TFB1M: variants seen among roughly 807,000 people sequenced by gnomAD.
TFB1M encodes the protein transcription factor B1, mitochondrial.
In TFB1M, 27 loss-of-function variants were observed where a neutral mutation model predicts 31.1. That is an observed-to-expected ratio of 0.87 (90% CI 0.64 to 1.20). TFB1M has a LOEUF of 1.20. Ranked by LOEUF, TFB1M falls within the 50% of genes most tolerant of loss-of-function variation. The pLI is 0.00. For synonymous variants in TFB1M, 166 were observed against 151.8 expected (o/e 1.09, Z -0.69); for missense variants, 394 against 418.7 (o/e 0.94, Z 0.51).
intron 4 of TFB1M, among the ~76,000 whole-genome samples, chr6:155,285,926 G>A (rs541746383): frequency 6.6e-6 from 1 of 152,108 alleles, no homozygotes; most frequent in African/African-American, 2.4e-5. Context: ...ATTTCCATAT[G>A]TATTATATAT....
chr6:155,257,210 A>AC lies in TFB1M; in HGVS notation c.*625_*626insG. 1 of 1,177,034 alleles carries AC rather than the reference A, an allele frequency of 8.5e-7. No individual in the cohort carries two copies. Among genetic ancestry groups the AC allele is most frequent in the South Asian group, 1.5e-5 (1 of 67,630 alleles). The allele number at this position is 1,177,034 out of a possible 1,614,324, so 72.9% of individuals were successfully genotyped here. A position where few individuals can be genotyped will look rare whatever the true frequency, so the allele number is the denominator to read the frequency against. On this transcript the variant is annotated 3_prime_UTR_variant, in exon 7 of 7. Transcript: ENST00000367166. ...AATTGCAAAAAAAAAAAAAAAAAAA[A>AC]ACTGTTCATTCCTGGGTTTTGTGCA...
Position 155,257,856 on chromosome 6 carries a change from C to T in TFB1M, c.1021G>A (p.Ala341Thr), listed in dbSNP as rs149125723. ...SKNEEKEEDD[A>T]ENYRL ...AGCAGCTAGAGTCTGTAATTCTCTG[C>T]GTCATCCTCTTCTTTTTCTTCATTT... The change falls in exon 7 of 7, where the codon GCA becomes ACA. Residue 341 changes from alanine (A) to threonine (T), a missense_variant. Ala to Thr is a moderately conservative substitution (Grantham distance 58). Around this residue, in one of 3 missense-constraint regions of TFB1M, gnomAD observed 6 missense variants for 18.1 expected, o/e 0.33. Coordinates refer to ENST00000367166, the MANE Select transcript of TFB1M (RefSeq NM_016020.4). 5.0e-6 allele frequency: 8 copies of T among 1,614,068 alleles called. No individual in the cohort carries two copies. The highest frequency in any genetic ancestry group is 4.4e-5 in the South Asian group (4 of 91,090).
At chr6:155,305,651 T>C (rs1430944916) in intron 2 of TFB1M, among the ~76,000 whole-genome samples, 1 of 89,542 alleles carries the variant, frequency 1.1e-5, no homozygotes. Context: ...ATATATTAAA[T>C]TATATATTTA....
chr6:155,286,788 G>A (rs567659140), intron 4 of TFB1M, among the ~76,000 whole-genome samples: 1 of 151,450 alleles, frequency 6.6e-6, no homozygotes, highest in Non-Finnish European at 1.5e-5. Context: ...ATCAGCCTGG[G>A]CAACAGAGCA....
In TFB1M at chr6:155,256,236, CTATT is replaced by C. The variant is rs2115376469; in HGVS notation, c.*1596_*1599del. 1 of 604,756 alleles carries C rather than the reference CTATT, an allele frequency of 1.7e-6. No individual in the cohort carries two copies. The highest frequency in any genetic ancestry group is 1.9e-5 in the African/African-American group (1 of 53,984). The allele number at this position is 604,756 out of a possible 1,614,324, so 37.5% of individuals were successfully genotyped here. On this transcript the variant is annotated 3_prime_UTR_variant, in exon 7 of 7. Coordinates refer to ENST00000367166, the MANE Select transcript of TFB1M (RefSeq NM_016020.4). The stretch of plus-strand genomic sequence containing the variant: ...ATGTAGTAGTTTCTAGTGTCTAGTT[CTATT>C]TACATAATTGAGCTCTGGTAATCTA...
Position 155,256,366 on chromosome 6 carries a change from TG to T in TFB1M, c.*1469del. 1.4e-6 allele frequency: 2 copies of T among 1,445,316 alleles called. No homozygotes were observed. Among genetic ancestry groups the T allele is most frequent in the Non-Finnish European group, 1.9e-6 (2 of 1,072,228 alleles). 89.5% of individuals were successfully genotyped at this position (1,445,316 alleles called of 1,614,324 possible). On this transcript the variant is annotated 3_prime_UTR_variant, in exon 7 of 7. Coordinates refer to ENST00000367166, the MANE Select transcript of TFB1M (RefSeq NM_016020.4). ...CCTAATTACCAGGATAGTTGCTAAC[TG>T]AAGTCATATCATAAAATAAAATCTT...
At chr6:155,250,757 G>C in the TFB1M span, 2 of 1,131,004 alleles carry the variant, frequency 1.8e-6, no homozygotes, top group Non-Finnish European at 2.5e-6. Flanking sequence ...ATTTTCAAAA[G>C]CTCCACCGTT....
At chr6:155,276,738 T>C (rs1264565583) in intron 5 of TFB1M, among the ~76,000 whole-genome samples, 1 of 152,268 alleles carries the variant, frequency 6.6e-6, no homozygotes, top group Non-Finnish European at 1.5e-5. Context: ...AAAAGTACCT[T>C]GCCCTGGTGT....
In TFB1M at chr6:155,314,438, CA is replaced by C. The variant is rs1208040657; in HGVS notation, c.-11del. ...TTCCGGAGGCAGCCATGATACGCGG[CA>C]AGCACCATCCAACCCTACCTCACCC... On this transcript the variant is annotated 5_prime_UTR_variant, in exon 1 of 7. Transcript: ENST00000367166. 4.3e-6 allele frequency: 7 copies of C among 1,613,998 alleles called. No individual in the cohort carries two copies. In the African/African-American group the frequency reaches 9.3e-5, roughly 22 times the overall value.
intron 5 of TFB1M, among the ~76,000 whole-genome samples, chr6:155,272,694 A>T (rs1048083716): frequency 6.6e-6 from 1 of 152,104 alleles, no homozygotes; most frequent in African/African-American, 2.4e-5. Context: ...TGGAGAACAA[A>T]TTCTTTCTAC....
chr6:155,307,859 G>A (rs1339013047), intron 2 of TFB1M, among the ~76,000 whole-genome samples: 1 of 151,546 alleles, frequency 6.6e-6, no homozygotes, highest in Non-Finnish European at 1.5e-5. Flanking sequence ...GTGTTGGGCC[G>A]CAGGCAGCCC....
At chr6:155,235,938 A>G in the TFB1M span, among the ~76,000 whole-genome samples, 3 of 152,174 alleles carry the variant, frequency 2.0e-5, no homozygotes, top group Admixed American at 2.0e-4. Flanking sequence ...ACCAGATGCC[A>G]TTTAACTTAT....
At chr6:155,293,157 TCATA>T (rs56359910) in intron 4 of TFB1M, among the ~76,000 whole-genome samples, 21 of 151,238 alleles carry the variant, frequency 1.4e-4, no homozygotes, top group Admixed American at 3.3e-4. Context: ...ACTTTAAATA[TCATA>T]CATACATACA....
chr6:155,258,441 T>C (rs1784222903), intron 6 of TFB1M, among the ~76,000 whole-genome samples: 1 of 152,266 alleles, frequency 6.6e-6, no homozygotes, highest in Non-Finnish European at 1.5e-5. Context: ...AGTTGTATTA[T>C]TTCTTGTGTG....
At chr6:155,308,030 T>G (rs1228778831) in intron 2 of TFB1M, among the ~76,000 whole-genome samples, 1 of 152,076 alleles carries the variant, frequency 6.6e-6, no homozygotes, top group Admixed American at 6.6e-5. Flanking sequence ...TTCCCTGAGA[T>G]GTCAGGAAAT....
chr6:155,242,497 GT>G, the TFB1M span, among the ~76,000 whole-genome samples: 1 of 152,178 alleles, frequency 6.6e-6, no homozygotes, highest in Non-Finnish European at 1.5e-5. Context: ...GGTTTTTATG[GT>G]GAAAGCATCC....
the TFB1M span, among the ~76,000 whole-genome samples, chr6:155,237,886 A>G: frequency 6.6e-6 from 1 of 152,230 alleles, no homozygotes; most frequent in Non-Finnish European, 1.5e-5. Context: ...GACCTCTGAC[A>G]TGCCCTGGAG....
At chr6:155,297,191 A>G in intron 3 of TFB1M, 87 bp from the exon 4 acceptor site, 4 of 1,384,664 alleles carry the variant, frequency 2.9e-6, no homozygotes, top group African/African-American at 2.9e-5. Context: ...CAGACTGGAT[A>G]TTAATAGCAT....
intron 5 of TFB1M, among the ~76,000 whole-genome samples, chr6:155,275,459 T>C (rs1055214091): frequency 4.6e-5 from 7 of 152,124 alleles, no homozygotes; most frequent in African/African-American, 1.7e-4. Flanking sequence ...CTTCAAGGCC[T>C]GGTGGGAGCT....
Sources: gnomAD v4.1 joint callset for allele counts (sites outside exome capture counted in the v4.1 genomes callset) on GRCh38, gnomAD v4.1.1 for gene constraint, gnomAD v4.1.1 regional missense constraint, MANE v1.5 for transcripts, NCBI Gene and HGNC (gene_info 2026-07-23, HGNC 2026-07-21) for gene names.